The following RFPL3 variants were observed in gnomAD, a reference collection of about 807,000 sequenced individuals.
RFPL3 encodes the protein ret finger protein like 3.
In RFPL3, 8 loss-of-function variants were observed where a neutral mutation model predicts 8.7. That is an observed-to-expected ratio of 0.92 (90% CI 0.54 to 1.66). The LOEUF (loss-of-function observed/expected upper bound fraction) is 1.66. Among genes scored for constraint, RFPL3 ranks in the 40% most tolerant of loss-of-function variants. RFPL3 has a pLI of 0.00. For missense variants in RFPL3, 341 were observed against 395.0 expected, an observed-to-expected ratio of 0.86 and a Z score of 1.16; for synonymous variants, 145 against 150.5, an observed-to-expected ratio of 0.96 and a Z score of 0.27.
At chr22:32,355,564 G>C (rs1439054334), upstream of RFPL3, among the ~76,000 whole-genome samples, 1 of 152,086 alleles carries the variant, frequency 6.6e-6, no homozygotes, top group Non-Finnish European at 1.5e-5. Flanking sequence ...ATTTCCTAGA[G>C]CTGCCAGGCA....
At chr22:32,357,065 G>C, upstream of RFPL3, 1 of 365,164 alleles carries the variant, frequency 2.7e-6, no homozygotes, top group Admixed American at 3.9e-5. Context: ...TATGAAGAGG[G>C]GTCAGGCCCC....
upstream of RFPL3, among the ~76,000 whole-genome samples, chr22:32,355,409 C>T (rs933156794): frequency 1.3e-5 from 2 of 152,126 alleles, no homozygotes; most frequent in Non-Finnish European, 2.9e-5. Flanking sequence ...AGCCCCAGAA[C>T]CTGGGAGCCT....
At chr22:32,358,838 A>G (rs1289050468) in intron 1 of RFPL3, among the ~76,000 whole-genome samples, 2 of 152,240 alleles carry the variant, frequency 1.3e-5, no homozygotes, top group Admixed American at 6.5e-5. Context: ...TGAATCTGAC[A>G]TTAAGATGGG....
Position 32,358,024 on chromosome 22 carries a change from A to G in RFPL3, c.-48A>G, listed in dbSNP as rs1932724156. 5 of 1,588,278 alleles carry G rather than the reference A, an allele frequency of 3.1e-6. No homozygotes were observed. Among genetic ancestry groups the G allele is most frequent in the Non-Finnish European group, 3.4e-6 (4 of 1,167,006 alleles). Reference sequence around the variant, plus strand: ...GGGATGTGCTTGAGTGTTTGTACTCATGGTCTTGTTCTCGGAGTGACAAAG... The same window carrying G: ...GGGATGTGCTTGAGTGTTTGTACTCGTGGTCTTGTTCTCGGAGTGACAAAG... On this transcript the variant is annotated 5_prime_UTR_variant, in exon 1 of 2. It removes an upstream start codon present in the reference 5' UTR. Coordinates refer to ENST00000249007, the MANE Select transcript of RFPL3 (RefSeq NM_001098535.1).
Position 32,360,426 on chromosome 22 carries a change from A to G in RFPL3, c.548A>G (p.Glu183Gly), listed in dbSNP as rs1932769140. 1 of 1,613,746 alleles carries G rather than the reference A, an allele frequency of 6.2e-7. No individual in the cohort carries two copies. The highest frequency in any genetic ancestry group is 8.5e-7 in the Non-Finnish European group (1 of 1,179,888). ...PRFTCGRHYWEVDVGTSTEWD... is the reference protein window; with the variant it reads ...PRFTCGRHYWGVDVGTSTEWD... ...TTTACCTGTGGCCGCCACTACTGGG[A>G]GGTGGACGTGGGAACAAGCACAGAA... The change falls in exon 2 of 2, where the codon GAG (glutamate) becomes GGG (glycine). Residue 183 changes from glutamate (E) to glycine (G), a missense_variant. Physicochemically the swap from Glu to Gly is moderately conservative, Grantham distance 98. Coordinates refer to ENST00000249007, the MANE Select transcript of RFPL3 (RefSeq NM_001098535.1).
In RFPL3 at chr22:32,360,329, C is replaced by A; in HGVS notation, c.451C>A (p.Leu151Ile). 1.9e-6 allele frequency: 3 copies of A among 1,613,950 alleles called. No homozygotes were observed. The highest frequency in any genetic ancestry group is 1.7e-4 in the Middle Eastern group (1 of 6,056). ...CGACCTCAGGAGCGTCCGAAGTGGG[C>A]TCATCACACAGAATCGGCAAGACCT... ...SDDLRSVRSG[L>I]ITQNRQDLAE... Residue 151 changes from leucine to isoleucine, a missense_variant, in exon 2 of 2, where the codon CTC becomes ATC. Physicochemically the swap from Leu to Ile is conservative, Grantham distance 5 (BLOSUM62 2). Coordinates refer to ENST00000249007, the MANE Select transcript of RFPL3 (RefSeq NM_001098535.1).
upstream of RFPL3, chr22:32,354,924 A>G (rs1054114800): frequency 3.9e-5 from 6 of 152,496 alleles, no homozygotes; most frequent in Non-Finnish European, 5.9e-5. Context: ...TCCAGCCTCC[A>G]CTGTGCTAAT....
upstream of RFPL3, chr22:32,357,112 C>G (rs1046905751): frequency 3.8e-6 from 1 of 263,128 alleles, no homozygotes; most frequent in Non-Finnish European, 7.4e-6. Flanking sequence ...ACATGGTCCA[C>G]AGTGTCTCAG....
Position 32,357,869 on chromosome 22 carries a change from C to A in RFPL3, c.-203C>A. 1 of 1,441,676 alleles carries A rather than the reference C, an allele frequency of 6.9e-7. No individual in the cohort carries two copies. The allele number at this position is 1,441,676 out of a possible 1,614,324, so 89.3% of individuals were successfully genotyped here. ...TCGCTGTTCCTCACATGGGTGCTGC[C>A]ACGTCACTGGCTCAGGCTCAGCTGC... On this transcript the variant is annotated 5_prime_UTR_variant, in exon 1 of 2. Transcript: ENST00000249007.
chr22:32,360,210 G>A, intron 1 of RFPL3, 42 bp from the exon 2 acceptor site: 11 of 1,578,568 alleles, frequency 7.0e-6, no homozygotes, highest in East Asian at 2.3e-5. Context: ...CATGGGGTTG[G>A]CTTCTGTCCA....
At chr22:32,356,459 C>T (rs1932670720), upstream of RFPL3, among the ~76,000 whole-genome samples, 1 of 152,074 alleles carries the variant, frequency 6.6e-6, no homozygotes, top group Admixed American at 6.5e-5. Context: ...GCAAGTAATC[C>T]CCCCTTACAC....
chr22:32,360,565 C>G lies in RFPL3; in HGVS notation c.687C>G (p.Ser229Arg), dbSNP rs1194969258. The G allele has an allele frequency of 6.2e-7, 1 of 1,613,880 alleles. No homozygotes were observed. The highest frequency in any genetic ancestry group is 8.5e-7 in the Non-Finnish European group (1 of 1,179,886). Residue 229 changes from serine to arginine, a missense_variant, in exon 2 of 2, where the codon AGC becomes AGG. Transcript: ENST00000249007. ...SLRDGSRLSA[S>R]TVPLTFLLVD... ...GGGATGGAAGCCGCCTCTCTGCCAG[C>G]ACGGTGCCGCTGACTTTCCTCTTAG...
chr22:32,359,639 A>G (rs1340870984), intron 1 of RFPL3, among the ~76,000 whole-genome samples: 1 of 152,138 alleles, frequency 6.6e-6, no homozygotes, highest in Admixed American at 6.5e-5. Context: ...TGTTTTGCTT[A>G]AGGTCTCACC....
chr22:32,358,269 G>A lies in RFPL3; in HGVS notation c.198G>A (p.Ser66=), dbSNP rs61729170. The change falls in exon 1 of 2, where the codon TCG becomes TCA. Residue 66 remains serine, a synonymous_variant. Transcript: ENST00000249007. ...GCTVCLKCIN[S]LQKEPHGEDL... ...CCGTCTGCCTCAAGTGCATCAATTC[G>A]CTGCAGAAGGAGCCCCATGGGGAGG... is the stretch of plus-strand genomic sequence containing the variant. 2.2e-4 allele frequency: 363 copies of A among 1,613,866 alleles called. 1 individual carries two copies. In the African/African-American group the frequency reaches 3.9e-3, roughly 17 times the overall value.
rs548907971 is a variant in RFPL3, at chr22:32,361,036, T to G, written c.*204T>G. On this transcript the variant is annotated 3_prime_UTR_variant, in exon 2 of 2. Coordinates refer to ENST00000249007, the MANE Select transcript of RFPL3 (RefSeq NM_001098535.1). Reference sequence around the variant, plus strand: ...CTCATTGAGTCTTATGGTTCACATCTTGTTTCCTATAGAAATGTTCTGTAT... The same window carrying G: ...CTCATTGAGTCTTATGGTTCACATCGTGTTTCCTATAGAAATGTTCTGTAT... 2.8e-5 allele frequency: 13 copies of G among 461,662 alleles called. No homozygotes were observed. In the South Asian group the frequency reaches 1.3e-3, roughly 46 times the overall value. 28.6% of individuals were successfully genotyped at this position (461,662 alleles called of 1,614,324 possible).
In RFPL3 at chr22:32,358,116, A is replaced by G. The variant is rs58637580; in HGVS notation, c.45A>G (p.Gln15=). ...TCACAACTAACAGGCTTTCACCTCAAGGAAATTTTCTTCCCTTGTGTACTT... is the reference window on the plus strand; with the variant it reads ...TCACAACTAACAGGCTTTCACCTCAGGGAAATTTTCTTCCCTTGTGTACTT... ...SLVTTNRLSP[Q]GNFLPLCTFP... is the part of the protein sequence containing the mutation. The change falls in exon 1 of 2, where the codon CAA becomes CAG. Residue 15 remains glutamine, a synonymous_variant. Transcript: ENST00000249007. The G allele has an allele frequency of 9.9e-6, 16 of 1,613,752 alleles. No individual in the cohort carries two copies. Among genetic ancestry groups the G allele is most frequent in the Non-Finnish European group, 1.4e-5 (16 of 1,179,836 alleles).
At chr22:32,357,786 T>G (rs999153279), upstream of RFPL3, 6 of 1,129,590 alleles carry the variant, frequency 5.3e-6, no homozygotes, top group Non-Finnish European at 6.9e-6. Context: ...CTAATTCTTA[T>G]GTTCATCAAT....
At chr22:32,357,043 C>G (rs377298593), upstream of RFPL3, 23 of 401,646 alleles carry the variant, frequency 5.7e-5, no homozygotes, top group African/African-American at 4.2e-4. Flanking sequence ...TGGGAGCCCC[C>G]TGACCTCAGT....
chr22:32,358,580 C>T, intron 1 of RFPL3, 136 bp downstream of exon 1: 3 of 1,296,740 alleles, frequency 2.3e-6, no homozygotes, highest in Non-Finnish European at 3.2e-6. Context: ...ATCACATTCT[C>T]AGCCCTGACA....
Sources: allele counts gnomAD v4.1 joint callset (sites outside exome capture counted in the v4.1 genomes callset), GRCh38; gene constraint gnomAD v4.1.1; transcripts MANE v1.5; gene names NCBI Gene and HGNC (gene_info 2026-07-23, HGNC 2026-07-21).